GPHN: variants seen among roughly 807,000 people sequenced by gnomAD.
The protein encoded by GPHN is gephyrin.
In GPHN, 17 loss-of-function variants were observed where a neutral mutation model predicts 95.5. The ratio of observed to expected loss-of-function variants is 0.18; its 90% CI spans 0.12 to 0.27. The LOEUF (loss-of-function observed/expected upper bound fraction) is 0.27. GPHN is among the 10% of genes least tolerant of loss of function. The probability of loss-of-function intolerance (pLI) is 1.00; values close to 1 mark genes in which losing one functional copy is unlikely to be tolerated. For missense variants in GPHN, 660 were observed against 978.1 expected (o/e 0.67, Z 4.34); for synonymous variants, 320 against 322.5 (o/e 0.99, Z 0.08).
chr14:67,494,068 C>A, the GPHN span, among the ~76,000 whole-genome samples: 3 of 152,068 alleles, frequency 2.0e-5, no homozygotes, highest in Non-Finnish European at 4.4e-5. Flanking sequence ...CAGGCACCTC[C>A]ACCATAAGCC....
At chr14:67,212,557 C>G in the GPHN span, among the ~76,000 whole-genome samples, 2 of 133,424 alleles carry the variant, frequency 1.5e-5, no homozygotes. Context: ...AGCCACTGCA[C>G]TCCAGCCTGG....
the GPHN span, chr14:67,382,634 C>G: frequency 6.2e-7 from 1 of 1,608,484 alleles, no homozygotes; most frequent in Non-Finnish European, 8.5e-7. Context: ...CAGGAGGTTC[C>G]TAAAAGGAGT....
intron 1 of GPHN, among the ~76,000 whole-genome samples, chr14:66,669,779 G>A (rs1407912273): frequency 2.0e-5 from 3 of 152,072 alleles, no homozygotes; most frequent in East Asian, 1.9e-4. Context: ...TGGTCTTCCT[G>A]TGTATCTTCT....
At chr14:67,551,087 C>A in the GPHN span, among the ~76,000 whole-genome samples, 1 of 152,190 alleles carries the variant, frequency 6.6e-6, no homozygotes, top group East Asian at 1.9e-4. Flanking sequence ...TACATATAAG[C>A]TAAATGCCCA....
intron 8 of GPHN, among the ~76,000 whole-genome samples, chr14:66,943,952 C>T (rs2067581514): frequency 6.6e-6 from 1 of 151,984 alleles, no homozygotes; most frequent in African/African-American, 2.4e-5. Context: ...CTTGGGGTTC[C>T]ATGAAGAAAA....
chr14:66,942,535 G>A (rs527581956), intron 8 of GPHN, among the ~76,000 whole-genome samples: 1 of 152,306 alleles, frequency 6.6e-6, no homozygotes, highest in Admixed American at 6.5e-5. Flanking sequence ...GGTAGTTACA[G>A]TTAGAATCAC....
rs578259607 is a variant in GPHN, at chr14:66,698,412, A to G, written c.143+17227A>G. ...AATATTTTTTGGAGAAAATTGAACT[A>G]TATGTTCAGTGAATGTAAACTCTTC... On this transcript the variant is annotated intron_variant, in intron 2 of 22. Transcript: ENST00000478722. Among the ~76,000 whole-genome samples the G allele has an allele frequency of 2.6e-5, 4 of 152,298 alleles. No homozygotes were observed. The East Asian group carries it at 7.7e-4, about 29-fold the overall frequency.
At chr14:67,209,110 G>C in the GPHN span, among the ~76,000 whole-genome samples, 1 of 152,296 alleles carries the variant, frequency 6.6e-6, no homozygotes, top group East Asian at 1.9e-4. Context: ...TACAATAAAA[G>C]TAATTTTCAA....
At chr14:67,102,451 G>A (rs1262745980) in intron 13 of GPHN, among the ~76,000 whole-genome samples, 4 of 151,738 alleles carry the variant, frequency 2.6e-5, no homozygotes, top group Non-Finnish European at 4.4e-5. Flanking sequence ...ACCTGAGTTC[G>A]GGAGTTTAAG....
Position 66,508,207 on chromosome 14 carries a change from A to G in GPHN, c.-321A>G. On this transcript the variant is annotated 5_prime_UTR_variant, in exon 1 of 23. Transcript: ENST00000478722. ...GTCTCGCGCTCCGCAGAGCGTTCCG[A>G]CACTCTCCGGCCTCGTTCTGCCGCC... 3 of 515,538 alleles carry G rather than the reference A, an allele frequency of 5.8e-6. No individual in the cohort carries two copies. The highest frequency in any genetic ancestry group is 1.1e-5 in the Non-Finnish European group (3 of 283,492). The allele number at this position is 515,538 out of a possible 1,614,324, so 31.9% of individuals were successfully genotyped here.
chr14:66,820,174 C>T (rs564017347), intron 3 of GPHN, among the ~76,000 whole-genome samples: 1 of 152,246 alleles, frequency 6.6e-6, no homozygotes, highest in East Asian at 1.9e-4. Context: ...CACCTACCCT[C>T]TCCTTACCTT....
chr14:67,617,290 GT>G, the GPHN span: 1 of 151,984 alleles, frequency 6.6e-6, no homozygotes, highest in East Asian at 1.9e-4. Context: ...TTTTGTTTTT[GT>G]TTTTGTTTTT....
At chr14:66,546,615 T>A (rs1013277442) in intron 1 of GPHN, among the ~76,000 whole-genome samples, 48 of 151,960 alleles carry the variant, frequency 3.2e-4, no homozygotes, top group African/African-American at 1.1e-3. Flanking sequence ...ACCAAAAAAA[T>A]ACGAAAACCA....
chr14:66,878,423 A>G (rs756665327), intron 4 of GPHN, among the ~76,000 whole-genome samples: 5 of 152,216 alleles, frequency 3.3e-5, no homozygotes, highest in Admixed American at 1.3e-4. Flanking sequence ...ATCAGAGTGA[A>G]CAGACAACCT....
At chr14:66,577,845 A>T (rs1213778285) in intron 1 of GPHN, among the ~76,000 whole-genome samples, 1 of 152,058 alleles carries the variant, frequency 6.6e-6, no homozygotes, top group Admixed American at 6.6e-5. Context: ...AAGGTTATAT[A>T]TAATGCCTCT....
At chr14:66,696,944 TA>T (rs942570097) in intron 2 of GPHN, among the ~76,000 whole-genome samples, 28 of 152,224 alleles carry the variant, frequency 1.8e-4, no homozygotes, top group African/African-American at 6.5e-4. Flanking sequence ...AGTCACTTTT[TA>T]AAAAAGTCTG....
At chr14:67,027,285 G>T (rs1391215226) in intron 10 of GPHN, among the ~76,000 whole-genome samples, 5 of 152,134 alleles carry the variant, frequency 3.3e-5, no homozygotes, top group Admixed American at 6.5e-5. Flanking sequence ...AAATTTTACA[G>T]ATGAGAATTT....
At chr14:67,033,711 C>T (rs368233608) in intron 10 of GPHN, among the ~76,000 whole-genome samples, 1 of 143,566 alleles carries the variant, frequency 7.0e-6, no homozygotes, top group African/African-American at 2.6e-5. Flanking sequence ...AAGAAATGTA[C>T]ATCCAGACAC....
At chr14:66,859,733 G>A (rs2062951992) in intron 4 of GPHN, among the ~76,000 whole-genome samples, 1 of 152,182 alleles carries the variant, frequency 6.6e-6, no homozygotes, top group African/African-American at 2.4e-5. Flanking sequence ...ATAACACAGA[G>A]AAGGAATTCA....
Sources: allele counts gnomAD v4.1 joint callset (sites outside exome capture counted in the v4.1 genomes callset), GRCh38; gene constraint gnomAD v4.1.1; transcripts MANE v1.5; gene names NCBI Gene and HGNC (gene_info 2026-07-23, HGNC 2026-07-21).